Variants in DPP6 observed in about 807,000 individuals in gnomAD.
The protein encoded by DPP6 is dipeptidyl peptidase like 6.
In DPP6, 69 loss-of-function variants were observed where a neutral mutation model predicts 122.6. That is an observed-to-expected ratio of 0.56 (90% CI 0.46 to 0.69). The LOEUF is 0.69. DPP6 is among the 30% of genes least tolerant of loss of function. The pLI, the probability that DPP6 is intolerant of heterozygous loss-of-function variation, is 0.00. For missense variants in DPP6, 928 were observed against 1,116.9 expected (o/e 0.83, Z 2.41); for synonymous variants, 418 against 433.1 (o/e 0.97, Z 0.43).
chr7:154,758,716 A>G (rs1795314711), intron 8 of DPP6, among the ~76,000 whole-genome samples: 1 of 151,946 alleles, frequency 6.6e-6, no homozygotes, highest in Admixed American at 6.5e-5. Context: ...TTTAGAACTG[A>G]ATTAAACTGA....
chr7:154,879,742 C>T (rs10240347), intron 20 of DPP6, among the ~76,000 whole-genome samples: 36,316 of 152,162 alleles, frequency 0.24, 5,190 homozygotes, highest in East Asian at 0.59. Context: ...ATGAGCCAAA[C>T]TCCATCTCAA....
intron 21 of DPP6, among the ~76,000 whole-genome samples, chr7:154,882,410 C>G (rs1419929684): frequency 1.3e-5 from 2 of 152,200 alleles, no homozygotes; most frequent in African/African-American, 2.4e-5. Context: ...TTTAACAAGC[C>G]TTAGATAGAG....
intron 1 of DPP6, among the ~76,000 whole-genome samples, chr7:154,135,041 A>G (rs887974703): frequency 1.8e-4 from 27 of 150,930 alleles, no homozygotes; most frequent in African/African-American, 5.9e-4. Flanking sequence ...TCCTCTGTGT[A>G]TACTTCCAGT....
chr7:154,195,339 G>T (rs1386725953), intron 1 of DPP6, among the ~76,000 whole-genome samples: 1 of 152,172 alleles, frequency 6.6e-6, no homozygotes, highest in Non-Finnish European at 1.5e-5. Flanking sequence ...TACAAGGGCC[G>T]CTCCAGGAGC....
At chr7:153,806,560 C>T in the DPP6 span, among the ~76,000 whole-genome samples, 9 of 151,680 alleles carry the variant, frequency 5.9e-5, no homozygotes, top group Admixed American at 5.9e-4. Flanking sequence ...ATTTTTCAAT[C>T]CTTATATAAT....
chr7:154,469,178 G>A (rs1350181458), intron 2 of DPP6, among the ~76,000 whole-genome samples: 2 of 150,970 alleles, frequency 1.3e-5, no homozygotes, highest in Non-Finnish European at 2.9e-5. Context: ...AGAAAAGAAA[G>A]CATGATCAAC....
intron 7 of DPP6, among the ~76,000 whole-genome samples, chr7:154,706,897 C>G (rs1032293560): frequency 1.3e-5 from 2 of 152,086 alleles, no homozygotes; most frequent in African/African-American, 4.8e-5. Context: ...ATGGGAAGGT[C>G]TTTAGAGTGG....
chr7:153,971,693 T>C (rs928878596), intron 1 of DPP6, among the ~76,000 whole-genome samples: 2 of 142,498 alleles, frequency 1.4e-5, no homozygotes, highest in African/African-American at 5.2e-5. Context: ...TTATTTAGTG[T>C]TTGTTCATTT....
chr7:154,261,693 G>GA (rs35030272), intron 1 of DPP6, among the ~76,000 whole-genome samples: 36,767 of 151,650 alleles, frequency 0.24, 5,169 homozygotes, highest in Non-Finnish European at 0.32. Flanking sequence ...AAATTAGCAA[G>GA]AAAAAAACAA....
chr7:154,544,748 G>T (rs1829025919), intron 4 of DPP6, among the ~76,000 whole-genome samples: 1 of 152,286 alleles, frequency 6.6e-6, no homozygotes, highest in African/African-American at 2.4e-5. Flanking sequence ...AATTACAGTT[G>T]TAACAGCTGG....
chr7:154,236,165 T>G (rs1246712011), intron 1 of DPP6, among the ~76,000 whole-genome samples: 4 of 152,222 alleles, frequency 2.6e-5, no homozygotes, highest in African/African-American at 9.6e-5. Flanking sequence ...TTTTATTATC[T>G]TTAAAATGAG....
intron 6 of DPP6, among the ~76,000 whole-genome samples, chr7:154,647,561 G>A (rs150339514): frequency 1.5e-4 from 23 of 152,282 alleles, no homozygotes; most frequent in Non-Finnish European, 2.4e-4. Context: ...GGCACCAGAC[G>A]TTGGTTGTGA....
chr7:154,390,444 T>G (rs1814518554), intron 1 of DPP6, among the ~76,000 whole-genome samples: 1 of 151,970 alleles, frequency 6.6e-6, no homozygotes, highest in African/African-American at 2.4e-5. Flanking sequence ...AGGTGCTGGG[T>G]TTTATTCTGT....
intron 2 of DPP6, among the ~76,000 whole-genome samples, chr7:154,469,555 A>G (rs10237882): frequency 1.3e-5 from 2 of 152,172 alleles, no homozygotes; most frequent in East Asian, 1.9e-4. Flanking sequence ...TAATTCAGGA[A>G]TAGGTCAAAA....
At chr7:154,841,357 G>A (rs1441884743) in intron 16 of DPP6, among the ~76,000 whole-genome samples, 3 of 145,732 alleles carry the variant, frequency 2.1e-5, no homozygotes, top group Non-Finnish European at 4.4e-5. Flanking sequence ...CCCCCCTGTA[G>A]CCTTTGCCCC....
the DPP6 span, among the ~76,000 whole-genome samples, chr7:153,852,930 C>T: frequency 4.1e-4 from 63 of 152,146 alleles, no homozygotes; most frequent in Non-Finnish European, 7.8e-4. Flanking sequence ...AGGAAGAGAA[C>T]GGACAAGCTA....
intron 3 of DPP6, among the ~76,000 whole-genome samples, chr7:154,492,040 A>G (rs1824321471): frequency 6.6e-6 from 1 of 152,222 alleles, no homozygotes; most frequent in Non-Finnish European, 1.5e-5. Context: ...TCCTTGGAGC[A>G]TCTTTTATTC....
intron 1 of DPP6, among the ~76,000 whole-genome samples, chr7:153,966,707 T>C (rs1226965162): frequency 6.6e-6 from 1 of 151,874 alleles, no homozygotes; most frequent in Non-Finnish European, 1.5e-5. Context: ...GTGAGACTTG[T>C]AAAAACAAAA....
chr7:154,556,908 G>A (rs1330856450), intron 4 of DPP6, among the ~76,000 whole-genome samples: 3 of 116,730 alleles, frequency 2.6e-5, no homozygotes, highest in South Asian at 2.8e-4. Context: ...TAGAGCAAAC[G>A]TTCAGGAATG....
Sources: gnomAD v4.1 joint callset for allele counts (sites outside exome capture counted in the v4.1 genomes callset) on GRCh38, gnomAD v4.1.1 for gene constraint, MANE v1.5 for transcripts, NCBI Gene and HGNC (gene_info 2026-07-23, HGNC 2026-07-21) for gene names.